PPP2R2B: variants seen among roughly 807,000 people sequenced by gnomAD.
PPP2R2B encodes the protein protein phosphatase 2 regulatory subunit Bbeta, also known as serine/threonine-protein phosphatase 2A 55 kDa regulatory subunit B beta isoform.
In PPP2R2B, 5 loss-of-function variants were observed where a neutral mutation model predicts 46.0. That is an observed-to-expected ratio of 0.11 (90% CI 0.06 to 0.23). The LOEUF (loss-of-function observed/expected upper bound fraction) is 0.23, where lower values mean the gene tolerates loss of function less well. Ranked by LOEUF, PPP2R2B falls within the 10% of genes least tolerant of loss-of-function variation. The pLI, the probability that PPP2R2B is intolerant of heterozygous loss-of-function variation, is 1.00. For missense variants in PPP2R2B, 367 were observed against 575.0 expected (o/e 0.64, Z 3.70); for synonymous variants, 215 against 206.7 (o/e 1.04, Z -0.34).
intron 5 of PPP2R2B, among the ~76,000 whole-genome samples, chr5:146,655,122 G>T (rs1300610846): frequency 6.6e-6 from 1 of 152,150 alleles, no homozygotes; most frequent in African/African-American, 2.4e-5. Context: ...CGATTCAGGT[G>T]CTTCACCCTC....
intron 2 of PPP2R2B, among the ~76,000 whole-genome samples, chr5:146,773,637 T>C (rs1279506232): frequency 6.6e-6 from 1 of 152,186 alleles, no homozygotes; most frequent in Non-Finnish European, 1.5e-5. Flanking sequence ...TCAAAGTTCA[T>C]TCCTTCTTTT....
intron 2 of PPP2R2B, among the ~76,000 whole-genome samples, chr5:146,797,060 C>G (rs1459350199): frequency 2.0e-5 from 3 of 152,178 alleles, no homozygotes; most frequent in Admixed American, 2.0e-4. Context: ...CTCAACGTTC[C>G]CACTGTGTTC....
rs1450645799 is a variant in PPP2R2B at position 146,698,341 on chromosome 5, TATATATATATAC to T, written c.169-209_169-198del. Among the ~76,000 whole-genome samples the T allele has an allele frequency of 3.4e-3, 432 of 127,468 alleles. 3 individuals carry two copies. Among genetic ancestry groups the T allele is most frequent in the African/African-American group, 0.013 (400 of 31,532 alleles). 83.6% of individuals were successfully genotyped at this position (127,468 alleles called of 152,430 possible). On this transcript the variant is annotated intron_variant, in intron 3 of 9. Coordinates refer to ENST00000394411, the MANE Select transcript of PPP2R2B (RefSeq NM_181675.4). ...AAATATATATATATATATATATATA[TATATATATATAC>T]ACACACATATAATTATACACATGAA...
chr5:146,747,476 A>C (rs566095962), intron 2 of PPP2R2B, among the ~76,000 whole-genome samples: 1 of 152,348 alleles, frequency 6.6e-6, no homozygotes, highest in Admixed American at 6.5e-5. Flanking sequence ...AGTGATATTA[A>C]ACCTCTGTCA....
At chr5:146,995,477 G>A (rs1402208954) in intron 1 of PPP2R2B, among the ~76,000 whole-genome samples, 4 of 152,172 alleles carry the variant, frequency 2.6e-5, no homozygotes, top group South Asian at 2.1e-4. Context: ...ATGGCTGAAC[G>A]TGCAGGTTTG....
At chr5:146,779,131 A>T (rs1027488621) in intron 2 of PPP2R2B, among the ~76,000 whole-genome samples, 2 of 152,164 alleles carry the variant, frequency 1.3e-5, no homozygotes, top group African/African-American at 4.8e-5. Context: ...TTCAGCTCTG[A>T]TTTTCCTAGT....
chr5:146,727,645 T>C (rs991636302), intron 2 of PPP2R2B, among the ~76,000 whole-genome samples: 2 of 151,842 alleles, frequency 1.3e-5, no homozygotes, highest in African/African-American at 4.8e-5. Context: ...GGAACACAAC[T>C]GCACTTGTAC....
At chr5:146,593,710 G>A (rs1431456733) in intron 8 of PPP2R2B, among the ~76,000 whole-genome samples, 1 of 152,166 alleles carries the variant, frequency 6.6e-6, no homozygotes, top group African/African-American at 2.4e-5. Context: ...TCCAAGCATA[G>A]GAAACAGCAA....
At chr5:146,696,371 T>C (rs1364658931) in intron 4 of PPP2R2B, among the ~76,000 whole-genome samples, 1 of 152,220 alleles carries the variant, frequency 6.6e-6, no homozygotes, top group Non-Finnish European at 1.5e-5. Flanking sequence ...CCCAAAGTGC[T>C]GGGATTACAG....
intron 2 of PPP2R2B, among the ~76,000 whole-genome samples, chr5:146,824,881 C>T (rs1758476432): frequency 6.6e-6 from 1 of 151,900 alleles, no homozygotes; most frequent in Admixed American, 6.6e-5. Flanking sequence ...CCACACCTGG[C>T]TAATTTTTTG....
At chr5:146,919,078 G>A (rs1763500274) in intron 1 of PPP2R2B, among the ~76,000 whole-genome samples, 1 of 152,060 alleles carries the variant, frequency 6.6e-6, no homozygotes, top group South Asian at 2.1e-4. Flanking sequence ...TCCTAGATGA[G>A]GAAACAGGTT....
Position 146,912,612 on chromosome 5 carries a change from C to G in PPP2R2B, c.79+143053G>C, listed in dbSNP as rs545901704. On this transcript the variant is annotated intron_variant, in intron 1 of 8. Transcript: ENST00000336640. ...CACCACAACCTGGGTTCAAGCAATT[C>G]TCCTGCCTTGGCCTCCTGAGTAGCT... 7.3e-5 allele frequency among the ~76,000 whole-genome samples: 11 copies of G among 151,600 alleles called. No individual in the cohort carries two copies. The East Asian group carries it at 2.2e-3, about 30-fold the overall frequency.
At chr5:147,080,674 T>G (rs866253665) in intron 2 of PPP2R2B, among the ~76,000 whole-genome samples, 15 of 152,164 alleles carry the variant, frequency 9.9e-5, no homozygotes, top group Admixed American at 2.0e-4. Context: ...TCAGTCTCCC[T>G]CTGCACTTCA....
At chr5:146,932,736 G>T (rs185870385) in intron 1 of PPP2R2B, among the ~76,000 whole-genome samples, 1 of 152,146 alleles carries the variant, frequency 6.6e-6, no homozygotes, top group Admixed American at 6.6e-5. Flanking sequence ...TGGCCCAGGT[G>T]GCTGAATCTT....
At chr5:146,671,396 T>C (rs889422354) in intron 5 of PPP2R2B, among the ~76,000 whole-genome samples, 2 of 152,226 alleles carry the variant, frequency 1.3e-5, no homozygotes, top group African/African-American at 4.8e-5. Context: ...GATGAGTTAT[T>C]TGCATAAACA....
At chr5:146,928,810 G>A (rs182419080) in intron 1 of PPP2R2B, among the ~76,000 whole-genome samples, 281 of 152,222 alleles carry the variant, frequency 1.8e-3, no homozygotes, top group African/African-American at 6.5e-3. Context: ...TTTGCTTAGG[G>A]AAAAAGCCAA....
At chr5:146,988,356 T>C (rs2151860041) in intron 1 of PPP2R2B, among the ~76,000 whole-genome samples, 1 of 152,098 alleles carries the variant, frequency 6.6e-6, no homozygotes, top group African/African-American at 2.4e-5. Flanking sequence ...TAAGATAGAA[T>C]GTATTTTAGG....
chr5:147,067,589 G>C (rs891053723), intron 2 of PPP2R2B, among the ~76,000 whole-genome samples: 1 of 152,176 alleles, frequency 6.6e-6, no homozygotes, highest in Non-Finnish European at 1.5e-5. Context: ...AACCTGAGTG[G>C]TGGAAACATT....
At chr5:147,011,421 T>C (rs935395378) in intron 1 of PPP2R2B, among the ~76,000 whole-genome samples, 1 of 152,164 alleles carries the variant, frequency 6.6e-6, no homozygotes, top group Non-Finnish European at 1.5e-5. Flanking sequence ...AAACTATATA[T>C]AACTATACAA....
Sources: allele counts gnomAD v4.1 joint callset (sites outside exome capture counted in the v4.1 genomes callset), GRCh38; gene constraint gnomAD v4.1.1; transcripts MANE v1.5; gene names NCBI Gene and HGNC (gene_info 2026-07-23, HGNC 2026-07-21).